Variants in VRK2 observed in about 807,000 individuals in gnomAD.
VRK2 encodes the protein VRK serine/threonine kinase 2, also known as serine/threonine-protein kinase VRK2.
Under a neutral mutation model 57.6 loss-of-function variants are expected in VRK2, and 60 were observed. The ratio of observed to expected loss-of-function variants is 1.04; its 90% CI spans 0.85 to 1.29. The LOEUF (loss-of-function observed/expected upper bound fraction) is 1.29. Ranked by LOEUF, VRK2 falls within the 50% of genes most tolerant of loss-of-function variation. The pLI is 0.00. For synonymous variants in VRK2, 231 were observed against 199.2 expected (o/e 1.16, Z -1.35); for missense variants, 705 against 588.1 (o/e 1.20, Z -2.06).
intron 1 of VRK2, among the ~76,000 whole-genome samples, chr2:57,919,256 A>C (rs1172429220): frequency 6.6e-6 from 1 of 152,066 alleles, no homozygotes; most frequent in African/African-American, 2.4e-5. Flanking sequence ...AACTGGAGGG[A>C]GATAAGTAGT....
At chr2:57,948,718 T>C (rs1012511472) in intron 1 of VRK2, among the ~76,000 whole-genome samples, 1 of 152,036 alleles carries the variant, frequency 6.6e-6, no homozygotes, top group African/African-American at 2.4e-5. Context: ...TAAGCTTTCT[T>C]GGTAAGGTGA....
chr2:58,006,021 T>C (rs1024358263), intron 1 of VRK2, among the ~76,000 whole-genome samples: 2 of 152,168 alleles, frequency 1.3e-5, no homozygotes, highest in Non-Finnish European at 2.9e-5. Context: ...CACCTCTCTT[T>C]GCTTCCAGAC....
chr2:57,999,312 A>T (rs1007994728), intron 1 of VRK2, among the ~76,000 whole-genome samples: 2 of 152,182 alleles, frequency 1.3e-5, no homozygotes, highest in Non-Finnish European at 2.9e-5. Flanking sequence ...TGTTTACTAC[A>T]AGTTTTGGTA....
intron 7 of VRK2, among the ~76,000 whole-genome samples, chr2:58,091,126 A>G (rs566122013): frequency 1.4e-3 from 207 of 152,328 alleles, no homozygotes; most frequent in African/African-American, 4.7e-3. Flanking sequence ...GCATGATACC[A>G]TAATGGTGAA....
intron 2 of VRK2, among the ~76,000 whole-genome samples, chr2:58,051,917 A>T (rs190198252): frequency 1.3e-5 from 2 of 152,314 alleles, no homozygotes; most frequent in Admixed American, 1.3e-4. Flanking sequence ...AGAGAAGGGG[A>T]GGAAAAAGGA....
At chr2:58,003,462 T>A (rs1673148979) in intron 1 of VRK2, among the ~76,000 whole-genome samples, 1 of 152,150 alleles carries the variant, frequency 6.6e-6, no homozygotes, top group Non-Finnish European at 1.5e-5. Context: ...CTCTATTATT[T>A]ACATTATCAG....
intron 1 of VRK2, among the ~76,000 whole-genome samples, chr2:57,979,579 T>G (rs576222695): frequency 1.3e-5 from 2 of 152,042 alleles, no homozygotes; most frequent in Admixed American, 1.3e-4. Context: ...GAGTCCCTCC[T>G]CCTTGATTTT....
chr2:58,159,854 A>G lies in VRK2; in HGVS notation c.*161A>G. 6.2e-7 allele frequency: 1 copy of G among 1,605,766 alleles called. No homozygotes were observed. Among genetic ancestry groups the G allele is most frequent in the East Asian group, 2.2e-5 (1 of 44,760 alleles). On this transcript the variant is annotated 3_prime_UTR_variant, in exon 13 of 13. Transcript: ENST00000340157. ...GTTTGTGGACACTCTAAAAAATAAA[A>G]TTGCTTTGTACTAGAAATAGTGTCA...
intron 11 of VRK2, among the ~76,000 whole-genome samples, chr2:58,140,369 A>G (rs560409001): frequency 6.6e-6 from 1 of 152,068 alleles, no homozygotes; most frequent in East Asian, 1.9e-4. Flanking sequence ...CCAAAGACCA[A>G]CACCAACTTA....
Position 58,122,676 on chromosome 2 carries a change from C to CT in VRK2, c.544-422dup, listed in dbSNP as rs1464844118. On this transcript the variant is annotated intron_variant, in intron 7 of 12. Transcript: ENST00000340157. ...CAAACCCATGTTGTTCAAGAATCAA[C>CT]TTTATCTTTTTAGAATGTTTGCTCT... 1.1e-4 allele frequency among the ~76,000 whole-genome samples: 16 copies of CT among 152,214 alleles called. No homozygotes were observed. In the South Asian group the frequency reaches 2.3e-3, roughly 22 times the overall value.
chr2:58,010,535 G>C (rs895559486), intron 1 of VRK2, among the ~76,000 whole-genome samples: 1 of 151,938 alleles, frequency 6.6e-6, no homozygotes, highest in Non-Finnish European at 1.5e-5. Context: ...TTAGCCTGTT[G>C]GTTAATTTTG....
intron 1 of VRK2, among the ~76,000 whole-genome samples, chr2:57,929,637 G>A (rs2176546): frequency 0.013 from 1,931 of 151,926 alleles, 20 homozygotes; most frequent in Non-Finnish European, 0.019. Context: ...GAGTCTCTCC[G>A]TGTAGCCACC....
At chr2:57,956,070 T>A (rs1217647871) in intron 1 of VRK2, among the ~76,000 whole-genome samples, 1 of 152,172 alleles carries the variant, frequency 6.6e-6, no homozygotes, top group Non-Finnish European at 1.5e-5. Context: ...AATAGATTTA[T>A]AAAAGAAATG....
At chr2:58,039,473 C>G (rs1353669869) in intron 3 of VRK2, among the ~76,000 whole-genome samples, 2 of 152,088 alleles carry the variant, frequency 1.3e-5, no homozygotes, top group African/African-American at 4.8e-5. Flanking sequence ...TCTCCTCTAG[C>G]CTTCTTAATT....
intron 1 of VRK2, among the ~76,000 whole-genome samples, chr2:57,965,304 G>A (rs933715936): frequency 2.6e-5 from 4 of 152,178 alleles, no homozygotes; most frequent in Admixed American, 6.5e-5. Context: ...AGTTTCATGG[G>A]AAAATAGCTA....
chr2:57,990,756 G>A (rs1029973251), intron 1 of VRK2, among the ~76,000 whole-genome samples: 3 of 151,990 alleles, frequency 2.0e-5, no homozygotes, highest in South Asian at 2.1e-4. Flanking sequence ...ATAATACTTC[G>A]TTGTTTAGAA....
In VRK2 at chr2:57,921,281, AGCGC is replaced by A. The variant is rs557292363; in HGVS notation, c.-439+13445_-439+13448del. ...AAAGTACCTGCCCAGGTAATTCTTAAGCGCGCACACACACACACACACACACACA... is the reference window on the plus strand; with the variant it reads ...AAAGTACCTGCCCAGGTAATTCTTAAGCACACACACACACACACACACACA... On this transcript the variant is annotated intron_variant, in intron 1 of 15. Transcript: ENST00000417641. Among the ~76,000 whole-genome samples, 54 of 103,252 alleles carry A rather than the reference AGCGC, an allele frequency of 5.2e-4. 1 individual carries two copies. The South Asian group carries it at 0.015, about 28-fold the overall frequency. The allele number at this position is 103,252 out of a possible 152,430, so 67.7% of individuals were successfully genotyped here.
intron 1 of VRK2, among the ~76,000 whole-genome samples, chr2:57,933,890 T>C (rs1266190229): frequency 6.6e-6 from 1 of 152,130 alleles, no homozygotes; most frequent in Non-Finnish European, 1.5e-5. Flanking sequence ...CTTTTGTGTA[T>C]CTACTATAGG....
At chr2:58,043,509 G>GT (rs751998197), upstream of VRK2, among the ~76,000 whole-genome samples, 3 of 152,070 alleles carry the variant, frequency 2.0e-5, no homozygotes, top group Non-Finnish European at 4.4e-5. Flanking sequence ...ACTCCTTTGT[G>GT]TCTTCTTTTA....
Sources: allele counts gnomAD v4.1 joint callset (sites outside exome capture counted in the v4.1 genomes callset), GRCh38; gene constraint gnomAD v4.1.1; transcripts MANE v1.5; gene names NCBI Gene and HGNC (gene_info 2026-07-23, HGNC 2026-07-21).